The following RALYL variants were observed in gnomAD, a reference collection of about 807,000 sequenced individuals.
RALYL encodes RALY RNA binding protein like.
In RALYL, 29 loss-of-function variants were observed where a neutral mutation model predicts 35.1. The ratio of observed to expected loss-of-function variants is 0.83; its 90% CI spans 0.61 to 1.13. The LOEUF (loss-of-function observed/expected upper bound fraction) is 1.13, where lower values mean the gene tolerates loss of function less well. RALYL is among the 50% of genes most tolerant of loss of function. RALYL has a pLI of 0.00. For synonymous variants in RALYL, 120 were observed against 127.6 expected, an observed-to-expected ratio of 0.94 and a Z score of 0.40; for missense variants, 359 against 360.4, an observed-to-expected ratio of 1.00 and a Z score of 0.03.
chr8:84,878,672 A>T (rs1841643758), intron 7 of RALYL, among the ~76,000 whole-genome samples: 1 of 152,112 alleles, frequency 6.6e-6, no homozygotes, highest in Non-Finnish European at 1.5e-5. Flanking sequence ...AAAATTATAG[A>T]ACTGAGTATT....
intron 8 of RALYL, among the ~76,000 whole-genome samples, chr8:84,900,966 T>G (rs898043235): frequency 1.3e-5 from 2 of 152,066 alleles, no homozygotes; most frequent in African/African-American, 2.4e-5. Context: ...TGGAGGATGG[T>G]AGAGGAAGGT....
chr8:84,196,215 C>T (rs1360304374), intron 1 of RALYL, among the ~76,000 whole-genome samples: 2 of 151,998 alleles, frequency 1.3e-5, no homozygotes, highest in East Asian at 3.9e-4. Context: ...ATTGCTGGAT[C>T]TTTTTCCCTG....
intron 2 of RALYL, among the ~76,000 whole-genome samples, chr8:84,647,875 T>C (rs1332447976): frequency 6.6e-6 from 1 of 152,068 alleles, no homozygotes; most frequent in Admixed American, 6.6e-5. Context: ...TGAATGAAAA[T>C]CCTGGAAGAT....
At chr8:84,877,215 G>A (rs1043639284) in intron 7 of RALYL, among the ~76,000 whole-genome samples, 9 of 152,092 alleles carry the variant, frequency 5.9e-5, no homozygotes, top group African/African-American at 1.4e-4. Flanking sequence ...GGCCGGCCGC[G>A]GTGGCTCACA....
chr8:84,766,789 G>A (rs183434085), intron 2 of RALYL, among the ~76,000 whole-genome samples: 85 of 141,162 alleles, frequency 6.0e-4, no homozygotes, highest in African/African-American at 1.9e-3. Context: ...TTTATAAAAT[G>A]TGTTGGCAAC....
chr8:84,475,067 C>A (rs540646953), intron 1 of RALYL, among the ~76,000 whole-genome samples: 6 of 152,020 alleles, frequency 3.9e-5, no homozygotes, highest in Non-Finnish European at 7.4e-5. Context: ...CCCAGCCCCC[C>A]ACCCAGTGAC....
intron 1 of RALYL, among the ~76,000 whole-genome samples, chr8:84,446,499 T>G (rs1193617528): frequency 2.0e-5 from 3 of 152,104 alleles, no homozygotes; most frequent in Non-Finnish European, 4.4e-5. Context: ...ATCTTTGCTG[T>G]CTCATGGACC....
intron 4 of RALYL, among the ~76,000 whole-genome samples, chr8:84,812,444 C>A (rs954348936): frequency 6.6e-6 from 1 of 152,106 alleles, no homozygotes; most frequent in East Asian, 1.9e-4. Context: ...GGAGCATCAG[C>A]TGTGGTAGTA....
At chr8:84,778,084 T>C (rs1163427296) in intron 3 of RALYL, among the ~76,000 whole-genome samples, 1 of 152,170 alleles carries the variant, frequency 6.6e-6, no homozygotes, top group Admixed American at 6.5e-5. Flanking sequence ...GAAACTAGCA[T>C]AGAAAATGGC....
chr8:84,433,796 T>C (rs1454675334), intron 1 of RALYL, among the ~76,000 whole-genome samples: 2 of 146,464 alleles, frequency 1.4e-5, no homozygotes, highest in Non-Finnish European at 3.0e-5. Context: ...GACTAATATA[T>C]GTGTGCATGT....
intron 1 of RALYL, among the ~76,000 whole-genome samples, chr8:84,514,134 AAGAAAAG>A (rs1412804180): frequency 3.1e-5 from 4 of 127,898 alleles, no homozygotes; most frequent in African/African-American, 8.6e-5. Flanking sequence ...GAAAGAAAAA[AAGAAAAG>A]AAAGGAATAC....
At chr8:84,566,671 T>C (rs1360346835) in intron 2 of RALYL, among the ~76,000 whole-genome samples, 2 of 151,602 alleles carry the variant, frequency 1.3e-5, no homozygotes, top group Non-Finnish European at 3.0e-5. Context: ...TCCAAGTTAA[T>C]GAAGGAATAG....
intron 3 of RALYL, among the ~76,000 whole-genome samples, chr8:84,796,829 A>G (rs1357054393): frequency 6.6e-6 from 1 of 152,276 alleles, no homozygotes; most frequent in Non-Finnish European, 1.5e-5. Context: ...GGAATAACTT[A>G]AAATAGCCTG....
chr8:84,875,633 T>C (rs920449238), intron 7 of RALYL, among the ~76,000 whole-genome samples: 3 of 152,302 alleles, frequency 2.0e-5, no homozygotes, highest in Non-Finnish European at 4.4e-5. Flanking sequence ...GTTTCCTGAA[T>C]AGTGTATTTA....
intron 2 of RALYL, among the ~76,000 whole-genome samples, chr8:84,650,083 T>G (rs1048504767): frequency 6.6e-6 from 1 of 151,694 alleles, no homozygotes; most frequent in Non-Finnish European, 1.5e-5. Flanking sequence ...CTCTCTGTTT[T>G]TCTGTTATTG....
In RALYL at chr8:84,887,787, A is replaced by C. The variant is rs538818878; in HGVS notation, c.858+11A>C. 37 of 1,607,506 alleles carry C rather than the reference A, an allele frequency of 2.3e-5. No individual in the cohort carries two copies. The African/African-American group carries it at 4.7e-4, about 20-fold the overall frequency. The stretch of plus-strand genomic sequence containing the variant: ...GGGGGTCATGAGCTGGTAGGAAAGA[A>C]ACATTTGGTATTCACACCCTTTGGG... On this transcript the variant is annotated intron_variant, in intron 8 of 8. Coordinates refer to ENST00000521268, the MANE Select transcript of RALYL (RefSeq NM_173848.7).
chr8:84,388,127 A>G (rs1859676123), intron 1 of RALYL, among the ~76,000 whole-genome samples: 1 of 152,098 alleles, frequency 6.6e-6, no homozygotes, highest in Non-Finnish European at 1.5e-5. Flanking sequence ...TTTACTGAGA[A>G]TGATGATTTC....
chr8:84,874,147 C>T (rs148720158), intron 7 of RALYL, among the ~76,000 whole-genome samples: 85 of 152,200 alleles, frequency 5.6e-4, no homozygotes, highest in African/African-American at 1.8e-3. Flanking sequence ...GGAAGAGACC[C>T]GGTAGGTAGA....
At chr8:84,205,291 G>C (rs1817803091) in intron 1 of RALYL, among the ~76,000 whole-genome samples, 1 of 152,046 alleles carries the variant, frequency 6.6e-6, no homozygotes, top group Admixed American at 6.6e-5. Context: ...TGATTTCCAG[G>C]GTCCACCCCT....
Sources: gnomAD v4.1 joint callset for allele counts (sites outside exome capture counted in the v4.1 genomes callset) on GRCh38, gnomAD v4.1.1 for gene constraint, MANE v1.5 for transcripts, NCBI Gene and HGNC (gene_info 2026-07-23, HGNC 2026-07-21) for gene names.